The following CHSY3 variants were observed in gnomAD, a reference collection of about 807,000 sequenced individuals.
The protein encoded by CHSY3 is N-acetylgalactosaminyl-proteoglycan 3-beta-glucuronosyltransferase 3.
Under a neutral mutation model 67.2 loss-of-function variants are expected in CHSY3, and 35 were observed. The observed-to-expected ratio is 0.52, with a 90% CI of 0.40 to 0.69. The LOEUF (loss-of-function observed/expected upper bound fraction) is 0.69. CHSY3 is among the 30% of genes least tolerant of loss of function. CHSY3 has a pLI of 0.00. For synonymous variants in CHSY3, 474 were observed against 434.7 expected, an observed-to-expected ratio of 1.09 and a Z score of -1.12; for missense variants, 1,069 against 1,138.5, an observed-to-expected ratio of 0.94 and a Z score of 0.88.
At chr5:130,010,785 C>G (rs1316119566) in intron 2 of CHSY3, among the ~76,000 whole-genome samples, 2 of 151,878 alleles carry the variant, frequency 1.3e-5, no homozygotes, top group Non-Finnish European at 2.9e-5. Flanking sequence ...TCAGAAATGA[C>G]AGGGGACATT....
intron 2 of CHSY3, among the ~76,000 whole-genome samples, chr5:130,154,430 C>T (rs932576135): frequency 6.6e-6 from 1 of 152,172 alleles, no homozygotes; most frequent in Non-Finnish European, 1.5e-5. Flanking sequence ...ATTATGATAG[C>T]TAATCCAATA....
chr5:129,949,200 G>C (rs1018477556), intron 2 of CHSY3, among the ~76,000 whole-genome samples: 16 of 152,096 alleles, frequency 1.1e-4, no homozygotes, highest in African/African-American at 3.4e-4. Flanking sequence ...AATAGTGGGG[G>C]ACTTCAATAC....
intron 2 of CHSY3, among the ~76,000 whole-genome samples, chr5:130,005,676 A>G (rs1196239607): frequency 6.6e-6 from 1 of 152,222 alleles, no homozygotes; most frequent in African/African-American, 2.4e-5. Context: ...GTACTTGAAT[A>G]AGATGATTAC....
At chr5:129,934,189 A>G (rs535188946) in intron 2 of CHSY3, among the ~76,000 whole-genome samples, 2 of 152,298 alleles carry the variant, frequency 1.3e-5, no homozygotes, top group South Asian at 2.1e-4. Flanking sequence ...TTATTATATG[A>G]AATAGAAAAA....
At chr5:129,924,612 C>G (rs966386812) in intron 2 of CHSY3, among the ~76,000 whole-genome samples, 5 of 148,820 alleles carry the variant, frequency 3.4e-5, no homozygotes, top group African/African-American at 1.2e-4. Flanking sequence ...TGCCACTGCA[C>G]TCCATCCTGG....
intron 2 of CHSY3, among the ~76,000 whole-genome samples, chr5:129,962,713 C>G (rs1762367345): frequency 6.6e-6 from 1 of 151,994 alleles, no homozygotes; most frequent in African/African-American, 2.4e-5. Flanking sequence ...CCTGCTTCCT[C>G]CTCTTTGATG....
intron 2 of CHSY3, among the ~76,000 whole-genome samples, chr5:129,932,544 T>C (rs1761350270): frequency 6.6e-6 from 1 of 152,166 alleles, no homozygotes; most frequent in South Asian, 2.1e-4. Context: ...ATCACACCTA[T>C]ATTATCTACA....
intron 2 of CHSY3, among the ~76,000 whole-genome samples, chr5:130,167,938 G>A (rs1283554185): frequency 6.6e-6 from 1 of 152,046 alleles, no homozygotes; most frequent in Non-Finnish European, 1.5e-5. Flanking sequence ...ATATCAGACT[G>A]GGAATGGAAG....
At chr5:130,038,851 G>C (rs1764930917) in intron 2 of CHSY3, among the ~76,000 whole-genome samples, 1 of 151,942 alleles carries the variant, frequency 6.6e-6, no homozygotes, top group African/African-American at 2.4e-5. Flanking sequence ...CATCAGGAAG[G>C]AAGAATCCAT....
chr5:130,131,420 AC>A (rs1481178472), intron 2 of CHSY3, among the ~76,000 whole-genome samples: 2 of 152,184 alleles, frequency 1.3e-5, no homozygotes, highest in African/African-American at 4.8e-5. Flanking sequence ...ATCAGATCAT[AC>A]CACTCGTCTG....
intron 2 of CHSY3, among the ~76,000 whole-genome samples, chr5:129,949,099 C>T (rs1218814564): frequency 6.6e-6 from 1 of 152,134 alleles, no homozygotes; most frequent in Non-Finnish European, 1.5e-5. Context: ...ATCACAGTCA[C>T]ATGTATATAT....
At chr5:129,955,060 G>A (rs1286808693) in intron 2 of CHSY3, among the ~76,000 whole-genome samples, 1 of 152,002 alleles carries the variant, frequency 6.6e-6, no homozygotes, top group Non-Finnish European at 1.5e-5. Flanking sequence ...ATATAGACGG[G>A]TTTTCACCAT....
At chr5:130,032,891 T>G (rs893944590) in intron 2 of CHSY3, among the ~76,000 whole-genome samples, 7 of 152,190 alleles carry the variant, frequency 4.6e-5, no homozygotes, top group South Asian at 4.1e-4. Flanking sequence ...GACAGCCACG[T>G]AGACCAGACA....
intron 2 of CHSY3, among the ~76,000 whole-genome samples, chr5:130,008,442 T>A (rs1385705237): frequency 6.6e-6 from 1 of 152,028 alleles, no homozygotes; most frequent in African/African-American, 2.4e-5. Context: ...AGGGTCAAAA[T>A]AATCAAAAAA....
intron 2 of CHSY3, among the ~76,000 whole-genome samples, chr5:130,031,241 T>C (rs976290773): frequency 6.6e-6 from 1 of 152,092 alleles, no homozygotes; most frequent in African/African-American, 2.4e-5. Flanking sequence ...TGCTAACACA[T>C]GAGAGGGCTG....
At chr5:130,100,249 T>G (rs1767192731) in intron 2 of CHSY3, among the ~76,000 whole-genome samples, 1 of 152,076 alleles carries the variant, frequency 6.6e-6, no homozygotes, top group Non-Finnish European at 1.5e-5. Flanking sequence ...TCGCGCGATC[T>G]CCGCTCACTG....
At chr5:129,912,229 A>G (rs1760586235) in intron 2 of CHSY3, among the ~76,000 whole-genome samples, 1 of 152,090 alleles carries the variant, frequency 6.6e-6, no homozygotes, top group Non-Finnish European at 1.5e-5. Context: ...TATTTAATAT[A>G]CATATATAAA....
intron 2 of CHSY3, among the ~76,000 whole-genome samples, chr5:129,943,225 A>T (rs1397947642): frequency 1.3e-5 from 2 of 152,176 alleles, no homozygotes; most frequent in Non-Finnish European, 2.9e-5. Flanking sequence ...TTAGCACCAA[A>T]TGAATATTAA....
intron 2 of CHSY3, among the ~76,000 whole-genome samples, chr5:130,131,427 G>A (rs959760723): frequency 1.8e-4 from 27 of 152,134 alleles, no homozygotes; most frequent in African/African-American, 2.2e-4. Context: ...CATACCACTC[G>A]TCTGCTTAAA....
Sources: gnomAD v4.1 joint callset for allele counts (sites outside exome capture counted in the v4.1 genomes callset) on GRCh38, gnomAD v4.1.1 for gene constraint, MANE v1.5 for transcripts, NCBI Gene and HGNC (gene_info 2026-07-23, HGNC 2026-07-21) for gene names.